The following CABCOCO1 variants were observed in gnomAD, a reference collection of about 807,000 sequenced individuals.
CABCOCO1 encodes ciliary-associated calcium-binding coiled-coil protein 1.
A neutral mutation model predicts 35.7 loss-of-function variants in CABCOCO1; 28 were observed. That is an observed-to-expected ratio of 0.78 (90% CI 0.58 to 1.07). CABCOCO1 has a LOEUF of 1.07. Among genes scored for constraint, CABCOCO1 ranks in the 50% least tolerant of loss-of-function variants. The pLI is 0.00. For missense variants in CABCOCO1, 326 were observed against 309.2 expected (o/e 1.05, Z -0.41); for synonymous variants, 95 against 100.1 (o/e 0.95, Z 0.30).
intron 5 of CABCOCO1, among the ~76,000 whole-genome samples, chr10:61,703,406 GACATAAT>G (rs1564541258): frequency 4.6e-5 from 7 of 152,010 alleles, no homozygotes; most frequent in Non-Finnish European, 1.5e-5. Context: ...GGGAAAAAAA[GACATAAT>G]ATAAGCTAAC....
rs978293523 is a variant in CABCOCO1 at position 61,766,373 on chromosome 10, A to C, written c.*360A>C. The C allele has an allele frequency of 1.9e-5, 3 of 161,770 alleles. No individual in the cohort carries two copies. Among genetic ancestry groups the C allele is most frequent in the African/African-American group, 7.2e-5 (3 of 41,612 alleles). The allele number at this position is 161,770 out of a possible 1,614,324, so 10.0% of individuals were successfully genotyped here. Reference sequence around the variant, plus strand: ...ACTTTTTAAATAACCAGAAATAAAGAAAGATGATAATAACTTCATCCATTT... The same window carrying C: ...ACTTTTTAAATAACCAGAAATAAAGCAAGATGATAATAACTTCATCCATTT... On this transcript the variant is annotated 3_prime_UTR_variant, in exon 8 of 8. Transcript: ENST00000648843.
chr10:61,706,953 C>A (rs1840607542), intron 5 of CABCOCO1, among the ~76,000 whole-genome samples: 1 of 152,086 alleles, frequency 6.6e-6, no homozygotes, highest in Admixed American at 6.6e-5. Flanking sequence ...TCCCTCAAAC[C>A]AGCCTGCACC....
chr10:61,719,447 T>TAA (rs112605805), intron 5 of CABCOCO1, among the ~76,000 whole-genome samples: 1 of 148,034 alleles, frequency 6.8e-6, no homozygotes, highest in South Asian at 2.1e-4. Flanking sequence ...TACACATGAT[T>TAA]AAAAAAAAAA....
intron 5 of CABCOCO1, among the ~76,000 whole-genome samples, chr10:61,740,710 T>C (rs2132067036): frequency 6.6e-6 from 1 of 152,292 alleles, no homozygotes; most frequent in Non-Finnish European, 1.5e-5. Context: ...AATTGACTTA[T>C]TTACTGAGAA....
intron 5 of CABCOCO1, among the ~76,000 whole-genome samples, chr10:61,714,034 T>A (rs572763672): frequency 6.6e-6 from 1 of 152,212 alleles, no homozygotes; most frequent in Non-Finnish European, 1.5e-5. Flanking sequence ...TAAAATGAGT[T>A]AGGGAGGATT....
At chr10:61,695,092 GTAAT>G (rs1030641353) in intron 5 of CABCOCO1, among the ~76,000 whole-genome samples, 1 of 151,910 alleles carries the variant, frequency 6.6e-6, no homozygotes, top group Non-Finnish European at 1.5e-5. Context: ...AGATGATGGA[GTAAT>G]TAGTCATGTG....
At chr10:61,699,324 A>G (rs922933540) in intron 5 of CABCOCO1, among the ~76,000 whole-genome samples, 2 of 152,176 alleles carry the variant, frequency 1.3e-5, no homozygotes, top group African/African-American at 4.8e-5. Flanking sequence ...TTTAAGAGAA[A>G]TTCAAGGAAT....
intron 1 of CABCOCO1, among the ~76,000 whole-genome samples, chr10:61,670,557 TTG>T (rs1460349749): frequency 6.6e-6 from 1 of 152,196 alleles, no homozygotes; most frequent in Non-Finnish European, 1.5e-5. Context: ...AGTGGTAGGT[TTG>T]AGATTTTTCC....
chr10:61,668,512 A>G (rs909558751), intron 1 of CABCOCO1, among the ~76,000 whole-genome samples: 3 of 151,914 alleles, frequency 2.0e-5, no homozygotes, highest in African/African-American at 7.2e-5. Flanking sequence ...GATCAGATCA[A>G]TTTTCTCGTC....
chr10:61,702,929 G>GA (rs969211084), intron 5 of CABCOCO1, among the ~76,000 whole-genome samples: 131 of 145,610 alleles, frequency 9.0e-4, no homozygotes, highest in Admixed American at 1.9e-3. Context: ...AAAAAAACAG[G>GA]AAAAAAAAAA....
intron 5 of CABCOCO1, among the ~76,000 whole-genome samples, chr10:61,751,342 A>G (rs1841780395): frequency 6.6e-6 from 1 of 151,418 alleles, no homozygotes; most frequent in Non-Finnish European, 1.5e-5. Flanking sequence ...AGGCAAGAAC[A>G]TGGAGTTGAA....
intron 5 of CABCOCO1, among the ~76,000 whole-genome samples, chr10:61,738,502 T>C (rs1411166717): frequency 2.0e-5 from 3 of 152,220 alleles, no homozygotes; most frequent in Admixed American, 6.5e-5. Context: ...TAAACAAATA[T>C]ATTTTTGCTA....
chr10:61,669,552 G>A (rs1363404301), intron 1 of CABCOCO1, among the ~76,000 whole-genome samples: 1 of 151,960 alleles, frequency 6.6e-6, no homozygotes, highest in Admixed American at 6.6e-5. Context: ...GCCTTCTCAT[G>A]CAAGTCACTG....
chr10:61,673,637 A>T (rs78978477), intron 2 of CABCOCO1, among the ~76,000 whole-genome samples: 4,994 of 152,302 alleles, frequency 0.033, 292 homozygotes, highest in African/African-American at 0.11. Context: ...TGGCTGGAAG[A>T]AAAATCCGAG....
At chr10:61,678,241 C>A (rs1839585274) in intron 2 of CABCOCO1, among the ~76,000 whole-genome samples, 1 of 152,072 alleles carries the variant, frequency 6.6e-6, no homozygotes, top group African/African-American at 2.4e-5. Context: ...TTCCACTGGC[C>A]TACTTATTTA....
rs760673103 is a variant in CABCOCO1 at position 61,765,979 on chromosome 10, T to C, written c.857T>C (p.Phe286Ser). 6.2e-7 allele frequency: 1 copy of C among 1,613,462 alleles called. No homozygotes were observed. Among genetic ancestry groups the C allele is most frequent in the South Asian group, 1.1e-5 (1 of 91,056 alleles). The change falls in exon 8 of 8, where the codon TTT becomes TCT. Residue 286 changes from phenylalanine to serine, a missense_variant. Transcript: ENST00000648843. ...AAACTGCAAATACAGGAAGAGGCCT[T>C]TAATGCACGAATAGAAAAATTGAAA... ...NEKLQIQEEA[F>S]NARIEKLKKA
At chr10:61,723,183 CA>C (rs1411770903) in intron 5 of CABCOCO1, among the ~76,000 whole-genome samples, 2 of 152,126 alleles carry the variant, frequency 1.3e-5, no homozygotes, top group Non-Finnish European at 2.9e-5. Context: ...AAGGATGGCT[CA>C]TTGACATAAG....
At chr10:61,703,286 A>G (rs1184150037) in intron 5 of CABCOCO1, among the ~76,000 whole-genome samples, 1 of 151,032 alleles carries the variant, frequency 6.6e-6, no homozygotes, top group African/African-American at 2.4e-5. Context: ...CAGCAGGAGC[A>G]CCAAAGAGGT....
intron 5 of CABCOCO1, among the ~76,000 whole-genome samples, chr10:61,694,006 C>T (rs959297951): frequency 4.0e-5 from 6 of 151,788 alleles, no homozygotes; most frequent in African/African-American, 1.5e-4. Context: ...ATGAGATAAT[C>T]GAGGCATATG....
Sources: gnomAD v4.1 joint callset for allele counts (sites outside exome capture counted in the v4.1 genomes callset) on GRCh38, gnomAD v4.1.1 for gene constraint, MANE v1.5 for transcripts, NCBI Gene and HGNC (gene_info 2026-07-23, HGNC 2026-07-21) for gene names.